Variants in NCKAP1L observed in about 807,000 individuals in gnomAD.
NCKAP1L encodes nck-associated protein 1-like.
A neutral mutation model predicts 139.2 loss-of-function variants in NCKAP1L; 53 were observed. The ratio of observed to expected loss-of-function variants is 0.38; its 90% CI spans 0.31 to 0.48. The LOEUF (loss-of-function observed/expected upper bound fraction) is 0.48. Ranked by LOEUF, NCKAP1L falls within the 20% of genes least tolerant of loss-of-function variation. The probability of loss-of-function intolerance (pLI) is 0.98; values close to 1 mark genes in which losing one functional copy is unlikely to be tolerated. For synonymous variants in NCKAP1L, 468 were observed against 499.7 expected (o/e 0.94, Z 0.85); for missense variants, 1,151 against 1,381.9 (o/e 0.83, Z 2.65).
chr12:54,518,937 T>A lies in NCKAP1L; in HGVS notation c.1444T>A (p.Phe482Ile). 1 of 1,614,158 alleles carries A rather than the reference T, an allele frequency of 6.2e-7. No homozygotes were observed. The highest frequency in any genetic ancestry group is 1.1e-5 in the South Asian group (1 of 91,074). The change falls in exon 15 of 31, where the codon TTC (phenylalanine) becomes ATC (isoleucine). Residue 482 changes from phenylalanine to isoleucine, a missense_variant. Transcript: ENST00000293373. ...KQVDNGEKFEFSGLRLDWFRL... is the reference protein window; with the variant it reads ...KQVDNGEKFEISGLRLDWFRL... ...AGTTGATAATGGAGAAAAATTTGAA[T>A]TCTCAGGATTGAGGCTGGACTGGTT...
At chr12:54,519,446 T>TTTTC in intron 16 of NCKAP1L, 114 bp downstream of exon 16, 1 of 948,792 alleles carries the variant, frequency 1.1e-6, no homozygotes, top group East Asian at 3.2e-5. Context: ...TTTTTTTTTT[T>TTTTC]TTTTAAAGAG....
chr12:54,537,249 C>G (rs1016470617), intron 29 of NCKAP1L, among the ~76,000 whole-genome samples, 196 bp downstream of exon 29: 1 of 152,184 alleles, frequency 6.6e-6, no homozygotes, highest in Non-Finnish European at 1.5e-5. Context: ...GTTTCAGCCT[C>G]TGCTTGAATA....
Position 54,526,520 on chromosome 12 carries a change from T to C in NCKAP1L, c.2157-8T>C. On this transcript the variant is annotated splice_polypyrimidine_tract_variant and splice_region_variant and intron_variant, in intron 20 of 30. Coordinates refer to ENST00000293373, the MANE Select transcript of NCKAP1L (RefSeq NM_005337.5). ...GTAATTCTAATTTTTTTTTTTTAAA[T>C]CACCTAGAGCCATTGTGTGGCTGGC... 1.9e-6 allele frequency: 3 copies of C among 1,607,360 alleles called. No individual in the cohort carries two copies. The highest frequency in any genetic ancestry group is 2.6e-6 in the Non-Finnish European group (3 of 1,174,536).
In NCKAP1L at chr12:54,532,227, G is replaced by C. The variant is rs145087861; in HGVS notation, c.2839G>C (p.Val947Leu). Residue 947 changes from valine (V) to leucine (L), a missense_variant, in exon 26 of 31, where the codon GTC (valine) becomes CTC (leucine). Coordinates refer to ENST00000293373, the MANE Select transcript of NCKAP1L (RefSeq NM_005337.5). The part of the protein sequence containing the change: ...MGPIECLKEF[V>L]TPDTDIKVTL... ...TCCCATTGAGTGCTTGAAGGAGTTT[G>C]TCACTCCAGACACAGACATCAAGGT... 3 of 1,613,196 alleles carry C rather than the reference G, an allele frequency of 1.9e-6. No individual in the cohort carries two copies. In the African/African-American group the frequency reaches 4.0e-5, roughly 22 times the overall value.
At chr12:54,524,635 G>T (rs1183176969) in intron 20 of NCKAP1L, among the ~76,000 whole-genome samples, 3 of 152,154 alleles carry the variant, frequency 2.0e-5, no homozygotes. Context: ...TTGAACACCT[G>T]CTGTGTGTCA....
chr12:54,516,753 C>A, intron 10 of NCKAP1L, 143 bp from the exon 11 acceptor site: 5 of 671,476 alleles, frequency 7.4e-6, no homozygotes, highest in East Asian at 7.0e-5. Flanking sequence ...GCCCTTTTTT[C>A]TTTTTTAAAC....
intron 3 of NCKAP1L, among the ~76,000 whole-genome samples, chr12:54,507,405 C>A (rs1379378854): frequency 6.6e-6 from 1 of 152,104 alleles, no homozygotes; most frequent in Non-Finnish European, 1.5e-5. Context: ...AATAGAAACT[C>A]ATGGAAAATT....
chr12:54,529,763 AT>A (rs754513559), intron 22 of NCKAP1L, among the ~76,000 whole-genome samples: 5 of 152,038 alleles, frequency 3.3e-5, no homozygotes, highest in Non-Finnish European at 5.9e-5. Context: ...CCCCACCCCA[AT>A]TTCCCTTGGT....
chr12:54,500,922 A>C lies in NCKAP1L; in HGVS notation c.306+297A>C. On this transcript the variant is annotated intron_variant, in intron 3 of 30. Transcript: ENST00000293373. ...TAACTACCTTTGGGGACTGATTATGACTGGCTTCAATTTAGTAGGCTATGC... is the reference window on the plus strand; with the variant it reads ...TAACTACCTTTGGGGACTGATTATGCCTGGCTTCAATTTAGTAGGCTATGC... 4 of 217,588 alleles carry C rather than the reference A, an allele frequency of 1.8e-5. No individual in the cohort carries two copies. In the South Asian group the frequency reaches 3.3e-4, roughly 18 times the overall value. 13.5% of individuals were successfully genotyped at this position (217,588 alleles called of 1,614,324 possible). A position where few individuals can be genotyped will look rare whatever the true frequency, so the allele number is the denominator to read the frequency against.
Position 54,517,549 on chromosome 12 carries a change from T to C in NCKAP1L, c.1112T>C (p.Met371Thr). ...LLGPKALFAF[M>T]ALSFIRDEVT... ...CCTCCATAGGCTCTTTTTGCTTTCA[T>C]GGCCCTGTCCTTCATTCGTGATGAG... is the stretch of plus-strand genomic sequence containing the variant. The change falls in exon 12 of 31, where the codon ATG (methionine) becomes ACG (threonine). Residue 371 changes from methionine (M) to threonine (T), a missense_variant. By Grantham distance (81) the Met-to-Thr change is moderately conservative. Transcript: ENST00000293373. 1 of 1,614,120 alleles carries C rather than the reference T, an allele frequency of 6.2e-7. No homozygotes were observed. The highest frequency in any genetic ancestry group is 8.5e-7 in the Non-Finnish European group (1 of 1,179,924).
At chr12:54,517,129 T>C in intron 11 of NCKAP1L, 137 bp downstream of exon 11, 1 of 697,270 alleles carries the variant, frequency 1.4e-6, no homozygotes, top group African/African-American at 1.8e-5. Flanking sequence ...CCTTGAACAT[T>C]CTTGGAGTAT....
intron 3 of NCKAP1L, among the ~76,000 whole-genome samples, chr12:54,503,400 A>G (rs1298387951): frequency 6.6e-6 from 1 of 152,074 alleles, no homozygotes; most frequent in Non-Finnish European, 1.5e-5. Context: ...ACATTTAGAA[A>G]TTTGTCATAA....
chr12:54,508,505 T>G lies in NCKAP1L; in HGVS notation c.480T>G (p.Cys160Trp). ...GGATACTCATTGGCATGTACAATTG[T>G]GCCCATGAGATGCTGCATGGGCATG... ...DRRILIGMYN[C>W]AHEMLHGHGD... The change falls in exon 5 of 31, where the codon TGT becomes TGG. Residue 160 changes from cysteine to tryptophan, a missense_variant. Coordinates refer to ENST00000293373, the MANE Select transcript of NCKAP1L (RefSeq NM_005337.5). 6.2e-7 allele frequency: 1 copy of G among 1,614,210 alleles called. No homozygotes were observed.
chr12:54,536,186 C>A lies in NCKAP1L; in HGVS notation c.3014C>A (p.Ala1005Glu). ...GCCTGCCTGCTCTTGATCTTTCTGG[C>A]AGTTTCCCTCCCACTCCTTGCCACT... The part of the protein sequence containing the change: ...KVACLLLIFL[A>E]VSLPLLATDP... Residue 1005 changes from alanine (A) to glutamate (E), a missense_variant, in exon 28 of 31, where the codon GCA becomes GAA. Coordinates refer to ENST00000293373, the MANE Select transcript of NCKAP1L (RefSeq NM_005337.5). 1 of 1,613,502 alleles carries A rather than the reference C, an allele frequency of 6.2e-7. No individual in the cohort carries two copies. Among genetic ancestry groups the A allele is most frequent in the Non-Finnish European group, 8.5e-7 (1 of 1,179,706 alleles).
chr12:54,531,488 C>T lies in NCKAP1L; in HGVS notation c.2605-3C>T. 6.2e-7 allele frequency: 1 copy of T among 1,614,150 alleles called. No individual in the cohort carries two copies. The highest frequency in any genetic ancestry group is 8.5e-7 in the Non-Finnish European group (1 of 1,180,000). On this transcript the variant is annotated splice_polypyrimidine_tract_variant and splice_region_variant and intron_variant, in intron 23 of 30. Transcript: ENST00000293373. The stretch of plus-strand genomic sequence containing the variant: ...TTAATGTCTCTGTGTTCCTGGACTA[C>T]AGAAGCTGGTGGTGGAAAACATGGA...
In NCKAP1L at chr12:54,514,287, G is replaced by A. The variant is rs12425890; in HGVS notation, c.942-1952G>A. Among the ~76,000 whole-genome samples, 646 of 151,676 alleles carry A rather than the reference G, an allele frequency of 4.3e-3. 13 individuals are homozygous for A. Among genetic ancestry groups the A allele is most frequent in the East Asian group, 0.036 (184 of 5,150 alleles). On this transcript the variant is annotated intron_variant, in intron 9 of 30. Coordinates refer to ENST00000293373, the MANE Select transcript of NCKAP1L (RefSeq NM_005337.5). ...ACAATGCTGTAATGAACATTCTTAG[G>A]CATATATCTTTGTGAATCTGTGAAT...
chr12:54,532,137 C>G, intron 25 of NCKAP1L, 33 bp from the exon 26 acceptor site: 1 of 1,484,584 alleles, frequency 6.7e-7, no homozygotes, highest in African/African-American at 1.4e-5. Flanking sequence ...TGGTCATGGT[C>G]TTGTGGACTC....
chr12:54,523,081 T>A (rs1257620161), intron 18 of NCKAP1L, among the ~76,000 whole-genome samples: 1 of 152,198 alleles, frequency 6.6e-6, no homozygotes, highest in East Asian at 1.9e-4. Flanking sequence ...TAGATCTTGT[T>A]CTTTATACTT....
At chr12:54,500,755 T>A (rs1196693687) in intron 3 of NCKAP1L, 130 bp downstream of exon 3, 5 of 663,950 alleles carry the variant, frequency 7.5e-6, no homozygotes, top group Non-Finnish European at 1.4e-5. Context: ...TGGAAGGATA[T>A]CTAAGTTGTA....
Sources: allele counts gnomAD v4.1 joint callset (sites outside exome capture counted in the v4.1 genomes callset), GRCh38; gene constraint gnomAD v4.1.1; transcripts MANE v1.5; gene names NCBI Gene and HGNC (gene_info 2026-07-23, HGNC 2026-07-21).